Variants in TENM2 observed in about 807,000 individuals in gnomAD.
TENM2 encodes the protein teneurin-2.
TENM2 carries 52 observed loss-of-function variants against 245.2 expected under a neutral mutation model. The observed-to-expected ratio is 0.21, with a 90% confidence interval of 0.17 to 0.27. The LOEUF is 0.27. Ranked by LOEUF, TENM2 falls within the 10% of genes least tolerant of loss-of-function variation. TENM2 has a pLI of 1.00. For missense variants in TENM2, 3,046 were observed against 3,666.8 expected (o/e 0.83, Z 4.37); for synonymous variants, 1,363 against 1,438.9 (o/e 0.95, Z 1.19).
chr5:167,504,100 C>T (rs2127560458), intron 2 of TENM2, among the ~76,000 whole-genome samples: 1 of 152,094 alleles, frequency 6.6e-6, no homozygotes, highest in African/African-American at 2.4e-5. Context: ...TTTTTGCGTG[C>T]CTAATATGGA....
At chr5:167,540,907 C>T (rs1772165796) in intron 2 of TENM2, among the ~76,000 whole-genome samples, 1 of 152,152 alleles carries the variant, frequency 6.6e-6, no homozygotes, top group Admixed American at 6.5e-5. Context: ...AAGTCACTGC[C>T]TTGGCCCCCA....
At chr5:168,216,325 G>A (rs1002395657) in intron 21 of TENM2, among the ~76,000 whole-genome samples, 1 of 152,204 alleles carries the variant, frequency 6.6e-6, no homozygotes, top group African/African-American at 2.4e-5. Context: ...TTAGGAGTTT[G>A]TAACTACAAG....
chr5:167,042,885 T>C, the TENM2 span, among the ~76,000 whole-genome samples: 2 of 152,314 alleles, frequency 1.3e-5, no homozygotes, highest in Middle Eastern at 6.8e-3. Flanking sequence ...ACAAAGTAGA[T>C]GATTGAAAGC....
intron 1 of TENM2, among the ~76,000 whole-genome samples, chr5:167,327,635 G>A (rs1177096453): frequency 6.6e-6 from 1 of 152,190 alleles, no homozygotes; most frequent in African/African-American, 2.4e-5. Context: ...TAAAGGTGAG[G>A]TCAGAAGAAG....
intron 5 of TENM2, among the ~76,000 whole-genome samples, chr5:168,034,795 T>C (rs1479603092): frequency 6.6e-6 from 1 of 151,774 alleles, no homozygotes; most frequent in Non-Finnish European, 1.5e-5. Context: ...AAAAAATAAA[T>C]AAATAGTATG....
At chr5:167,975,844 A>AT (rs1176557379) in intron 4 of TENM2, among the ~76,000 whole-genome samples, 4 of 151,550 alleles carry the variant, frequency 2.6e-5, no homozygotes. Flanking sequence ...AAAAAAAAAA[A>AT]GCAACAGTGC....
chr5:167,355,454 G>A (rs1192041528), intron 1 of TENM2, among the ~76,000 whole-genome samples: 1 of 152,174 alleles, frequency 6.6e-6, no homozygotes, highest in Non-Finnish European at 1.5e-5. Flanking sequence ...CAAGAAATAA[G>A]TGTTTGAAAT....
At chr5:167,902,262 A>G (rs752366562) in intron 3 of TENM2, among the ~76,000 whole-genome samples, 1 of 152,212 alleles carries the variant, frequency 6.6e-6, no homozygotes, top group Non-Finnish European at 1.5e-5. Context: ...CAGTAAATCT[A>G]AACACTCAAA....
At chr5:167,696,597 A>G (rs1757779837) in intron 2 of TENM2, among the ~76,000 whole-genome samples, 2 of 152,220 alleles carry the variant, frequency 1.3e-5, no homozygotes, top group Admixed American at 6.5e-5. Context: ...GTTTAAACAA[A>G]TCAACAGAAA....
intron 2 of TENM2, among the ~76,000 whole-genome samples, chr5:167,598,349 G>A (rs1180153453): frequency 6.6e-6 from 1 of 152,178 alleles, no homozygotes; most frequent in Non-Finnish European, 1.5e-5. Flanking sequence ...GAGATGTGTA[G>A]CAAGTCGGTG....
exon 6 of TENM2, chr5:168,047,533 G>A: frequency 6.4e-7 from 1 of 1,551,746 alleles, no homozygotes; most frequent in Non-Finnish European, 8.7e-7. Context: ...TGGCAACAAT[G>A]CCATCTGGAG....
intron 2 of TENM2, among the ~76,000 whole-genome samples, chr5:167,465,961 A>G (rs914004320): frequency 2.0e-5 from 3 of 152,152 alleles, no homozygotes; most frequent in Admixed American, 6.5e-5. Context: ...ACATGACTGA[A>G]TATTGATTCT....
At chr5:167,099,710 CAAAACA>C in the TENM2 span, among the ~76,000 whole-genome samples, 2 of 152,042 alleles carry the variant, frequency 1.3e-5, no homozygotes, top group Non-Finnish European at 2.9e-5. Flanking sequence ...CAAAACAAAA[CAAAACA>C]AAAACAAAAA....
chr5:167,074,959 C>T, the TENM2 span, among the ~76,000 whole-genome samples: 1 of 152,098 alleles, frequency 6.6e-6, no homozygotes, highest in Non-Finnish European at 1.5e-5. Flanking sequence ...AGACCAGGTG[C>T]CATTCTTTCC....
chr5:167,422,764 C>T (rs986792413), intron 2 of TENM2, among the ~76,000 whole-genome samples: 3 of 152,112 alleles, frequency 2.0e-5, no homozygotes, highest in African/African-American at 7.2e-5. Flanking sequence ...CCACGTGAAT[C>T]CTGATGCCAG....
At chr5:167,907,106 C>T (rs1230162794) in intron 3 of TENM2, among the ~76,000 whole-genome samples, 1 of 152,090 alleles carries the variant, frequency 6.6e-6, no homozygotes, top group African/African-American at 2.4e-5. Context: ...GTGGCGCATG[C>T]CTGTAATCCC....
rs1369303637 is a variant in TENM2 at position 168,247,214 on chromosome 5, C to A, written c.6275C>A (p.Thr2092Asn). ...ATGGTCAATGCCAGGTTTGACTACA[C>A]CTATCATGACAACAGCTTCCGCATC... is the stretch of plus-strand genomic sequence containing the variant. Residue 2092 changes from threonine (T) to asparagine (N), a missense_variant, in exon 27 of 29, where the codon ACC becomes AAC. Physicochemically the swap from Thr to Asn is moderately conservative, Grantham distance 65. Transcript: ENST00000518659. This position sits in a 1 kb window ranked among gnomAD's most constrained non-coding sequence, Gnocchi z 7.8. The A allele has an allele frequency of 1.2e-6, 2 of 1,613,918 alleles. No homozygotes were observed. The highest frequency in any genetic ancestry group is 1.7e-6 in the Non-Finnish European group (2 of 1,179,896).
intron 1 of TENM2, among the ~76,000 whole-genome samples, chr5:167,341,631 AT>A (rs1758103606): frequency 6.6e-6 from 1 of 151,986 alleles, no homozygotes; most frequent in Non-Finnish European, 1.5e-5. Flanking sequence ...TCTGTCTTAA[AT>A]GTCTGTATAT....
chr5:167,076,129 A>C, the TENM2 span, among the ~76,000 whole-genome samples: 1 of 152,140 alleles, frequency 6.6e-6, no homozygotes, highest in African/African-American at 2.4e-5. Context: ...ATAACATACA[A>C]AAAAATCAAC....
Sources: gnomAD v4.1 joint callset for allele counts (sites outside exome capture counted in the v4.1 genomes callset) on GRCh38, gnomAD v4.1.1 for gene constraint, Gnocchi (gnomAD v3.1) non-coding constraint, MANE v1.5 for transcripts, NCBI Gene and HGNC (gene_info 2026-07-23, HGNC 2026-07-21) for gene names.